Variants in PIAS1 observed in about 807,000 individuals in gnomAD.
PIAS1 encodes protein inhibitor of activated STAT 1.
A neutral mutation model predicts 71.3 loss-of-function variants in PIAS1; 6 were observed. That is an observed-to-expected ratio of 0.08 (90% CI 0.05 to 0.17). The LOEUF is 0.17. Among genes scored for constraint, PIAS1 ranks in the 10% least tolerant of loss-of-function variants. The pLI, the probability that PIAS1 is intolerant of heterozygous loss-of-function variation, is 1.00. For synonymous variants in PIAS1, 303 were observed against 292.9 expected, an observed-to-expected ratio of 1.03 and a Z score of -0.35; for missense variants, 555 against 793.6, an observed-to-expected ratio of 0.70 and a Z score of 3.61.
At chr15:68,182,659 A>AT (rs2093062477) in intron 12 of PIAS1, among the ~76,000 whole-genome samples, 2 of 152,072 alleles carry the variant, frequency 1.3e-5, no homozygotes, top group Admixed American at 1.3e-4. Flanking sequence ...ACCTCAGGTG[A>AT]TTCGCCTGCC....
intron 1 of PIAS1, among the ~76,000 whole-genome samples, chr15:68,082,188 T>C (rs891132793): frequency 1.3e-5 from 2 of 152,150 alleles, no homozygotes; most frequent in Non-Finnish European, 2.9e-5. Flanking sequence ...AAAAACATCG[T>C]ACCTCACATG....
At chr15:68,128,193 A>G (rs1051051595) in intron 2 of PIAS1, among the ~76,000 whole-genome samples, 1 of 151,922 alleles carries the variant, frequency 6.6e-6, no homozygotes, top group African/African-American at 2.4e-5. Context: ...TGAGATAGGG[A>G]CTCACTCTGC....
At chr15:68,141,022 T>A (rs543177979) in intron 2 of PIAS1, among the ~76,000 whole-genome samples, 137 of 150,242 alleles carry the variant, frequency 9.1e-4, no homozygotes, top group African/African-American at 2.7e-3. Context: ...ACCACTGTTT[T>A]AAAAAAAAAA....
chr15:68,058,476 G>T (rs1429358414), intron 1 of PIAS1, among the ~76,000 whole-genome samples: 11 of 152,290 alleles, frequency 7.2e-5, no homozygotes, highest in Admixed American at 5.9e-4. Context: ...AATAAAAGTG[G>T]CAGGGACTTG....
intron 2 of PIAS1, among the ~76,000 whole-genome samples, chr15:68,105,611 T>C (rs2092461898): frequency 6.6e-6 from 1 of 152,162 alleles, no homozygotes; most frequent in African/African-American, 2.4e-5. Flanking sequence ...AATCTAGCAT[T>C]TCACCTCTAG....
At chr15:68,102,769 G>T (rs1454416099) in intron 2 of PIAS1, among the ~76,000 whole-genome samples, 1 of 151,970 alleles carries the variant, frequency 6.6e-6, no homozygotes, top group Non-Finnish European at 1.5e-5. Context: ...AATTTGAGGG[G>T]TATTTCTTCA....
intron 13 of PIAS1, among the ~76,000 whole-genome samples, 164 bp downstream of exon 13, chr15:68,183,831 A>T (rs1227098710): frequency 1.3e-5 from 2 of 152,224 alleles, no homozygotes; most frequent in African/African-American, 4.8e-5. Context: ...ACATTGTAGC[A>T]CAAGGCATTA....
intron 2 of PIAS1, among the ~76,000 whole-genome samples, chr15:68,095,287 G>GCGAA: frequency 6.6e-6 from 1 of 152,064 alleles, no homozygotes; most frequent in African/African-American, 2.4e-5. Flanking sequence ...GAATTTAACA[G>GCGAA]CGAATTCTGC....
chr15:68,110,928 T>C (rs536534057), intron 2 of PIAS1, among the ~76,000 whole-genome samples: 1 of 152,274 alleles, frequency 6.6e-6, no homozygotes, highest in East Asian at 1.9e-4. Flanking sequence ...GTTTATTGTA[T>C]TGAATATATA....
At position 68,054,424 on chromosome 15, in the gene PIAS1, C is replaced by G; in HGVS notation, c.24+74C>G. 2.0e-6 allele frequency: 3 copies of G among 1,481,758 alleles called. No homozygotes were observed. Among genetic ancestry groups the G allele is most frequent in the East Asian group, 2.5e-5 (1 of 40,134 alleles). The allele number at this position is 1,481,758 out of a possible 1,614,324, so 91.8% of individuals were successfully genotyped here. On this transcript the variant is annotated intron_variant, in intron 1 of 13. Transcript: ENST00000249636. This position sits in a 1 kb window ranked among gnomAD's most constrained non-coding sequence, Gnocchi z 4.6. Reference sequence around the variant, plus strand: ...GCCGCTGCTGCCAGGGGGGATGGGTCCGACCCTGGGGGGCCTCTCGGGCCT... The same window carrying G: ...GCCGCTGCTGCCAGGGGGGATGGGTGCGACCCTGGGGGGCCTCTCGGGCCT...
chr15:68,069,646 C>CA (rs1175096435), intron 1 of PIAS1, among the ~76,000 whole-genome samples: 2 of 151,798 alleles, frequency 1.3e-5, no homozygotes, highest in East Asian at 3.9e-4. Flanking sequence ...ACTAAAAATA[C>CA]AAAAAATTAG....
At chr15:68,115,981 T>G (rs1413455186) in intron 2 of PIAS1, among the ~76,000 whole-genome samples, 1 of 152,078 alleles carries the variant, frequency 6.6e-6, no homozygotes. Flanking sequence ...GGTAAATGGT[T>G]GGTAATTTTT....
At chr15:68,104,692 G>A (rs1156575797) in intron 2 of PIAS1, among the ~76,000 whole-genome samples, 1 of 152,004 alleles carries the variant, frequency 6.6e-6, no homozygotes, top group East Asian at 1.9e-4. Flanking sequence ...GAGAAGATAT[G>A]ATGTGTTCCT....
rs901819507 is a variant in PIAS1 at position 68,173,359 on chromosome 15, C to T, written c.1009-373C>T. Reference sequence around the variant, plus strand: ...TTCAGCCTGGGCAATATAGCAAGACCCCATCTGTTTAAAAAAAAAAAACTG... The same window carrying T: ...TTCAGCCTGGGCAATATAGCAAGACTCCATCTGTTTAAAAAAAAAAAACTG... On this transcript the variant is annotated intron_variant, in intron 8 of 13. Coordinates refer to ENST00000249636, the MANE Select transcript of PIAS1 (RefSeq NM_016166.3). The surrounding 1 kb of genome is among the most constrained non-coding windows in gnomAD (Gnocchi z 4.3). Among the ~76,000 whole-genome samples, 4 of 151,282 alleles carry T rather than the reference C, an allele frequency of 2.6e-5. No homozygotes were observed. Among genetic ancestry groups the T allele is most frequent in the Admixed American group, 6.6e-5 (1 of 15,200 alleles).
At chr15:68,129,794 T>TACAC (rs67860159) in intron 2 of PIAS1, among the ~76,000 whole-genome samples, 1,579 of 145,076 alleles carry the variant, frequency 0.011, 13 homozygotes, top group African/African-American at 0.029. Context: ...TAATTGTATT[T>TACAC]ACACACACAC....
chr15:68,135,255 T>A (rs1595755033), intron 2 of PIAS1, among the ~76,000 whole-genome samples: 2 of 18,414 alleles, frequency 1.1e-4, no homozygotes, highest in Non-Finnish European at 2.0e-4. Context: ...CCCCCCCACC[T>A]CCCTCCCGGA....
intron 2 of PIAS1, among the ~76,000 whole-genome samples, chr15:68,140,678 A>G (rs1338965026): frequency 6.6e-6 from 1 of 152,176 alleles, no homozygotes; most frequent in Non-Finnish European, 1.5e-5. Context: ...TTTGGTATCG[A>G]CTTTTTGCGT....
intron 2 of PIAS1, among the ~76,000 whole-genome samples, chr15:68,126,231 T>C (rs1425753816): frequency 6.6e-6 from 1 of 152,172 alleles, no homozygotes; most frequent in African/African-American, 2.4e-5. Context: ...TGTTCTCTCT[T>C]TGGAACTCCT....
rs60779834 is a variant in PIAS1 at position 68,178,783 on chromosome 15, TACTG to T, written c.1481+2133_1481+2136del. ...ATTTATGTAAACTATGCAATAGTAT[TACTG>T]ACTATATATTTTTTCTTTAAAGAAA... is the stretch of plus-strand genomic sequence containing the variant. On this transcript the variant is annotated intron_variant, in intron 11 of 13. Coordinates refer to ENST00000249636, the MANE Select transcript of PIAS1 (RefSeq NM_016166.3). This position sits in a 1 kb window ranked among gnomAD's most constrained non-coding sequence, Gnocchi z 4.2. 4.8e-3 allele frequency among the ~76,000 whole-genome samples: 726 copies of T among 152,260 alleles called. 6 individuals carry two copies. The highest frequency in any genetic ancestry group is 0.016 in the African/African-American group (669 of 41,532).
Sources: gnomAD v4.1 joint callset for allele counts (sites outside exome capture counted in the v4.1 genomes callset) on GRCh38, gnomAD v4.1.1 for gene constraint, Gnocchi (gnomAD v3.1) non-coding constraint, MANE v1.5 for transcripts, NCBI Gene and HGNC (gene_info 2026-07-23, HGNC 2026-07-21) for gene names.